The following GPSM2 variants were observed in gnomAD, a reference collection of about 807,000 sequenced individuals.
GPSM2 encodes the protein G protein-signaling modulator 2.
A neutral mutation model predicts 78.4 loss-of-function variants in GPSM2; 58 were observed. The ratio of observed to expected loss-of-function variants is 0.74; its 90% CI spans 0.60 to 0.92. GPSM2 has a LOEUF of 0.92. GPSM2 is among the 40% of genes least tolerant of loss of function. The pLI is 0.00. For missense variants in GPSM2, 700 were observed against 815.5 expected (o/e 0.86, Z 1.73); for synonymous variants, 224 against 280.2 (o/e 0.80, Z 2.00).
At chr1:108,908,170 G>C (rs1649395565) in intron 10 of GPSM2, among the ~76,000 whole-genome samples, 2 of 152,228 alleles carry the variant, frequency 1.3e-5, no homozygotes, top group South Asian at 4.1e-4. Flanking sequence ...AGGAGATCGA[G>C]ACCATCCTGG....
chr1:108,893,362 C>T (rs1648112356), intron 2 of GPSM2, among the ~76,000 whole-genome samples: 1 of 152,216 alleles, frequency 6.6e-6, no homozygotes, highest in African/African-American at 2.4e-5. Context: ...TCATGTGTGA[C>T]CATTTCCTCA....
intron 14 of GPSM2, among the ~76,000 whole-genome samples, chr1:108,926,109 G>C (rs1201593540): frequency 6.6e-6 from 1 of 152,158 alleles, no homozygotes; most frequent in African/African-American, 2.4e-5. Context: ...AGTTGACTTA[G>C]AGAAACTGAA....
intron 10 of GPSM2, among the ~76,000 whole-genome samples, chr1:108,912,073 G>A (rs1468844238): frequency 6.6e-6 from 1 of 152,060 alleles, no homozygotes; most frequent in Non-Finnish European, 1.5e-5. Flanking sequence ...CTCCCAAAGT[G>A]CTGGGATTAC....
intron 11 of GPSM2, among the ~76,000 whole-genome samples, chr1:108,916,702 T>C (rs1030216625): frequency 3.9e-5 from 6 of 152,232 alleles, no homozygotes; most frequent in African/African-American, 1.2e-4. Context: ...ACCTTGTAAT[T>C]CTCCAAGAGC....
intron 12 of GPSM2, among the ~76,000 whole-genome samples, chr1:108,920,722 T>G (rs1384224569): frequency 1.3e-5 from 2 of 151,980 alleles, no homozygotes; most frequent in African/African-American, 4.8e-5. Flanking sequence ...AATTATGGGG[T>G]ATATAGAAAT....
At chr1:108,878,515 G>A (rs1376296449) in intron 1 of GPSM2, among the ~76,000 whole-genome samples, 2 of 152,104 alleles carry the variant, frequency 1.3e-5, no homozygotes, top group African/African-American at 2.4e-5. Flanking sequence ...TTTTAATATA[G>A]ATCTGAGACT....
At chr1:108,902,988 T>C (rs1648931028) in intron 8 of GPSM2, 138 bp from the exon 9 acceptor site, 1 of 655,840 alleles carries the variant, frequency 1.5e-6, no homozygotes, top group East Asian at 2.8e-5. Flanking sequence ...TATAATATCA[T>C]GATAGTATGT....
intron 2 of GPSM2, among the ~76,000 whole-genome samples, chr1:108,896,584 C>G (rs1365649915): frequency 6.6e-6 from 1 of 152,182 alleles, no homozygotes; most frequent in African/African-American, 2.4e-5. Flanking sequence ...GGCTCTTTCA[C>G]TAGTAACGTG....
At chr1:108,923,312 G>A (rs1235115375) in intron 13 of GPSM2, among the ~76,000 whole-genome samples, 1 of 152,118 alleles carries the variant, frequency 6.6e-6, no homozygotes, top group Non-Finnish European at 1.5e-5. Context: ...GGTATTCCAG[G>A]CATGAGCTAC....
At chr1:108,929,650 G>T in intron 14 of GPSM2, 51 bp from the exon 15 acceptor site, 1 of 1,570,584 alleles carries the variant, frequency 6.4e-7, no homozygotes, top group Non-Finnish European at 8.8e-7. Context: ...AACATAGCTT[G>T]GTGCTTTCTT....
intron 12 of GPSM2, among the ~76,000 whole-genome samples, chr1:108,920,287 A>G (rs1299979521): frequency 6.6e-6 from 1 of 152,022 alleles, no homozygotes; most frequent in Non-Finnish European, 1.5e-5. Context: ...TGGCCAACAT[A>G]GCGAAACCCC....
At chr1:108,880,843 AAAC>A (rs1229205679) in intron 1 of GPSM2, among the ~76,000 whole-genome samples, 2 of 152,228 alleles carry the variant, frequency 1.3e-5, no homozygotes, top group East Asian at 3.8e-4. Flanking sequence ...GACCAAAAAC[AAAC>A]AAAGAAACAG....
intron 10 of GPSM2, 89 bp from the exon 11 acceptor site, chr1:108,914,249 C>T (rs1649998152): frequency 1.2e-6 from 1 of 842,494 alleles, no homozygotes; most frequent in East Asian, 2.5e-5. Context: ...GTTTGTGTAT[C>T]AGATTTTAGA....
chr1:108,918,435 A>T (rs983463567), intron 11 of GPSM2, among the ~76,000 whole-genome samples, 178 bp from the exon 12 acceptor site: 2 of 152,224 alleles, frequency 1.3e-5, no homozygotes, highest in African/African-American at 4.8e-5. Flanking sequence ...TGCATTTGGT[A>T]CAAGTCTTGA....
chr1:108,931,356 C>T lies in GPSM2; in HGVS notation c.*1416C>T. The T allele has an allele frequency of 6.4e-7, 1 of 1,550,950 alleles. No homozygotes were observed. Among genetic ancestry groups the T allele is most frequent in the South Asian group, 1.2e-5 (1 of 84,014 alleles). On this transcript the variant is annotated 3_prime_UTR_variant, in exon 15 of 15. Transcript: ENST00000264126. ...AAGGGGATGATAACAAAGTAACTAA[C>T]TAACTGTAGCAAAAGACAAGTATGG...
At chr1:108,901,478 T>G (rs757046616) in intron 7 of GPSM2, among the ~76,000 whole-genome samples, 2 of 152,236 alleles carry the variant, frequency 1.3e-5, no homozygotes, top group African/African-American at 2.4e-5. Context: ...AAGGGAAAGT[T>G]TTTTTAAATG....
At position 108,924,170 on chromosome 1, in the gene GPSM2, A is replaced by T; in HGVS notation, c.1771A>T (p.Lys591Ter). The change falls in exon 14 of 15, where the codon AAA (lysine) becomes TAA (stop). Residue 591 changes from lysine to a stop codon, truncating the protein, a stop_gained. Coordinates refer to ENST00000264126, the MANE Select transcript of GPSM2 (RefSeq NM_013296.5). LOFTEE classifies it high-confidence loss of function. Reference protein sequence around the residue: ...VLSHLMTNDNKEADEDFFDIL... With the variant: ...VLSHLMTNDN The stretch of plus-strand genomic sequence containing the variant: ...TAGCCACCTGATGACTAATGACAAC[A>T]AAGAGGCTGATGAAGATTTCTTTGA... 6.2e-7 allele frequency: 1 copy of T among 1,613,960 alleles called. No homozygotes were observed. The highest frequency in any genetic ancestry group is 8.5e-7 in the Non-Finnish European group (1 of 1,179,816).
intron 2 of GPSM2, among the ~76,000 whole-genome samples, chr1:108,891,601 C>T (rs779307644): frequency 2.6e-5 from 4 of 151,980 alleles, no homozygotes; most frequent in Non-Finnish European, 5.9e-5. Context: ...CTCAAGCTAT[C>T]CTCCCACCTC....
chr1:108,931,361 T>C lies in GPSM2; in HGVS notation c.*1421T>C. The C allele has an allele frequency of 1.9e-6, 3 of 1,550,916 alleles. No homozygotes were observed. The highest frequency in any genetic ancestry group is 2.6e-6 in the Non-Finnish European group (3 of 1,147,046). ...GATGATAACAAAGTAACTAACTAAC[T>C]GTAGCAAAAGACAAGTATGGGACAG... On this transcript the variant is annotated 3_prime_UTR_variant, in exon 15 of 15. Coordinates refer to ENST00000264126, the MANE Select transcript of GPSM2 (RefSeq NM_013296.5).
Sources: gnomAD v4.1 joint callset for allele counts (sites outside exome capture counted in the v4.1 genomes callset) on GRCh38, gnomAD v4.1.1 for gene constraint, MANE v1.5 for transcripts, NCBI Gene and HGNC (gene_info 2026-07-23, HGNC 2026-07-21) for gene names.